CLCN7: variants seen among roughly 807,000 people sequenced by gnomAD.
CLCN7 encodes H(+)/Cl(-) exchange transporter 7.
In CLCN7, 60 loss-of-function variants were observed where a neutral mutation model predicts 102.1. That is an observed-to-expected ratio of 0.59 (90% CI 0.48 to 0.73). The LOEUF (loss-of-function observed/expected upper bound fraction) is 0.73. CLCN7 is among the 30% of genes least tolerant of loss of function. The pLI is 0.00. For missense variants in CLCN7, 962 were observed against 1,125.7 expected (o/e 0.85, Z 2.08); for synonymous variants, 560 against 490.5 (o/e 1.14, Z -1.87).
intron 9 of CLCN7, among the ~76,000 whole-genome samples, chr16:1,456,617 T>A (rs1393643333): frequency 1.3e-5 from 2 of 152,150 alleles, no homozygotes; most frequent in African/African-American, 4.8e-5. Flanking sequence ...GGCAGGCGGA[T>A]CACCTGAGGT....
At chr16:1,452,981 G>A in intron 14 of CLCN7, 88 bp from the exon 15 acceptor site, 2 of 1,505,942 alleles carry the variant, frequency 1.3e-6, no homozygotes, top group East Asian at 2.5e-5. Flanking sequence ...CCTGATGGAG[G>A]ACACTGGGCC....
rs189650677 is a variant in CLCN7 at position 1,465,185 on chromosome 16, C to T, written c.213+82G>A. 2,415 of 1,382,320 alleles carry T rather than the reference C, an allele frequency of 1.7e-3. 5 individuals are homozygous for T. The highest frequency in any genetic ancestry group is 2.4e-3 in the Admixed American group (131 of 55,102). The allele number at this position is 1,382,320 out of a possible 1,614,324, so 85.6% of individuals were successfully genotyped here. A position where few individuals can be genotyped will look rare whatever the true frequency, so the allele number is the denominator to read the frequency against. On this transcript the variant is annotated intron_variant, in intron 2 of 24. Coordinates refer to ENST00000382745, the MANE Select transcript of CLCN7 (RefSeq NM_001287.6). ...CCCTGGGGCCCCACTATCTCCCTGC[C>T]GCTCGGCCCGTGCCCATCCCTGTCA...
At position 1,448,755 on chromosome 16, in the gene CLCN7, G is replaced by A. The variant is rs756852272; in HGVS notation, c.1809C>T (p.Asp603=). The change falls in exon 20 of 25, where the codon GAC becomes GAT. Residue 603 remains aspartate (D), a synonymous_variant. Coordinates refer to ENST00000382745, the MANE Select transcript of CLCN7 (RefSeq NM_001287.6). ...VGDVFIEGLY[D]MHIQLQSVPF... ...GCACACTCTGCAGCTGAATGTGCAT[G>A]TCGTACAGGCCCTGCGGGCGGGGCG... 7 of 1,612,162 alleles carry A rather than the reference G, an allele frequency of 4.3e-6. No homozygotes were observed. Among genetic ancestry groups the A allele is most frequent in the Non-Finnish European group, 5.9e-6 (7 of 1,179,966 alleles).
intron 1 of CLCN7, chr16:1,471,484 C>G (rs1596231714): frequency 1.3e-5 from 2 of 152,160 alleles, no homozygotes; most frequent in African/African-American, 4.8e-5. Context: ...GTGAGCTGTG[C>G]CCACCAGTCA....
intron 1 of CLCN7, 71 bp downstream of exon 1, chr16:1,474,763 G>T: frequency 8.5e-7 from 1 of 1,182,076 alleles, no homozygotes; most frequent in Non-Finnish European, 1.0e-6. Flanking sequence ...GCCGCCAGAA[G>T]GCTCACGAGG....
chr16:1,451,470 CT>C (rs1265332218), intron 16 of CLCN7, among the ~76,000 whole-genome samples, 152 bp downstream of exon 16: 1 of 152,186 alleles, frequency 6.6e-6, no homozygotes, highest in Non-Finnish European at 1.5e-5. Context: ...TCTCCAAGTG[CT>C]GGGATTACAG....
intron 2 of CLCN7, among the ~76,000 whole-genome samples, 180 bp from the exon 3 acceptor site, chr16:1,461,854 G>T (rs2038943184): frequency 6.6e-6 from 1 of 152,104 alleles, no homozygotes. Flanking sequence ...GGAGGCCGAG[G>T]CAAGTGGACC....
At chr16:1,461,138 G>A (rs545330901) in intron 4 of CLCN7, among the ~76,000 whole-genome samples, 190 bp from the exon 5 acceptor site, 1 of 152,212 alleles carries the variant, frequency 6.6e-6, no homozygotes, top group Non-Finnish European at 1.5e-5. Context: ...GGTGACTCGG[G>A]GAGGTGGGTG....
At position 1,445,968 on chromosome 16, in the gene CLCN7, G is replaced by A; in HGVS notation, c.*663C>T. 1 of 404,662 alleles carries A rather than the reference G, an allele frequency of 2.5e-6. No homozygotes were observed. Among genetic ancestry groups the A allele is most frequent in the Non-Finnish European group, 4.5e-6 (1 of 224,430 alleles). 25.1% of individuals were successfully genotyped at this position (404,662 alleles called of 1,614,324 possible). ...GTTTTTCTCAGCTCTCAACATCACA[G>A]CACAGGGCCCGTGAGTCACCCCAGT... is the stretch of plus-strand genomic sequence containing the variant. On this transcript the variant is annotated 3_prime_UTR_variant, in exon 25 of 25. Transcript: ENST00000382745.
chr16:1,454,282 G>A, intron 13 of CLCN7, 129 bp downstream of exon 13: 1 of 885,256 alleles, frequency 1.1e-6, no homozygotes, highest in East Asian at 2.6e-5. Context: ...AGAATCTGGA[G>A]GCCCCCGGGT....
At position 1,448,617 on chromosome 16, in the gene CLCN7, T is replaced by C. The variant is rs533199941; in HGVS notation, c.1883+64A>G. 2.1e-5 allele frequency: 33 copies of C among 1,602,972 alleles called. No homozygotes were observed. In the South Asian group the frequency reaches 3.4e-4, roughly 17 times the overall value. On this transcript the variant is annotated intron_variant, in intron 20 of 24. Transcript: ENST00000382745. ...CCTGGAGCCCGCAAGCCGTGCACCC[T>C]GCCCCTGTGCAACAAGAGGCCGCTG...
At chr16:1,473,835 G>A (rs946715662) in intron 1 of CLCN7, among the ~76,000 whole-genome samples, 1 of 152,062 alleles carries the variant, frequency 6.6e-6, no homozygotes, top group African/African-American at 2.4e-5. Context: ...TGTAATCCCA[G>A]CACTTTGGGA....
intron 24 of CLCN7, 43 bp downstream of exon 24, chr16:1,446,963 G>A (rs2142364755): frequency 6.6e-7 from 1 of 1,506,966 alleles, no homozygotes; most frequent in Non-Finnish European, 9.0e-7. Context: ...AGGCAGAGGG[G>A]AGCCCTGCAC....
chr16:1,454,328 G>T, intron 13 of CLCN7, 83 bp downstream of exon 13: 1 of 1,431,118 alleles, frequency 7.0e-7, no homozygotes, highest in Non-Finnish European at 9.8e-7. Flanking sequence ...GGGAGCCACA[G>T]CCTCCAGTCC....
intron 13 of CLCN7, among the ~76,000 whole-genome samples, 178 bp downstream of exon 13, chr16:1,454,233 G>T (rs928029285): frequency 2.0e-5 from 3 of 152,262 alleles, no homozygotes; most frequent in African/African-American, 7.2e-5. Flanking sequence ...CAGAAGCGAA[G>T]CTTTGGGCTC....
chr16:1,473,852 G>A (rs558237313), intron 1 of CLCN7, among the ~76,000 whole-genome samples: 18 of 152,052 alleles, frequency 1.2e-4, no homozygotes, highest in Non-Finnish European at 2.5e-4. Context: ...GGGAGGCTGA[G>A]GTGCGGGGGA....
intron 1 of CLCN7, among the ~76,000 whole-genome samples, chr16:1,473,697 G>T (rs1366632626): frequency 6.6e-6 from 1 of 151,912 alleles, no homozygotes; most frequent in Non-Finnish European, 1.5e-5. Flanking sequence ...TTAAGCACAA[G>T]ACAAGTGTTT....
rs898371036 is a variant in CLCN7, at chr16:1,449,265, C to T, written c.1669+11G>A. The T allele has an allele frequency of 2.5e-6, 4 of 1,581,284 alleles. No homozygotes were observed. The African/African-American group carries it at 5.4e-5, about 21-fold the overall frequency. ...GAGCTCCCCACCCATCGGGCAAGAG[C>T]TGGGACATACCCAGCTGGGCAGCAG... On this transcript the variant is annotated intron_variant, in intron 18 of 24. Coordinates refer to ENST00000382745, the MANE Select transcript of CLCN7 (RefSeq NM_001287.6).
intron 15 of CLCN7, chr16:1,452,522 G>C (rs749249009): frequency 1.6e-5 from 9 of 568,752 alleles, no homozygotes; most frequent in African/African-American, 3.8e-5. Context: ...GAAGAGGACT[G>C]GGGGGAGCCT....
Sources: allele counts gnomAD v4.1 joint callset (sites outside exome capture counted in the v4.1 genomes callset), GRCh38; gene constraint gnomAD v4.1.1; transcripts MANE v1.5; gene names NCBI Gene and HGNC (gene_info 2026-07-23, HGNC 2026-07-21).